Variants in RBFOX1 observed in about 807,000 individuals in gnomAD.
RBFOX1 encodes the protein RNA binding protein fox-1 homolog 1.
In RBFOX1, 8 loss-of-function variants were observed where a neutral mutation model predicts 57.7. The observed-to-expected ratio is 0.14, with a 90% CI of 0.08 to 0.25. The LOEUF is 0.25. Ranked by LOEUF, RBFOX1 falls within the 10% of genes least tolerant of loss-of-function variation. The pLI, the probability that RBFOX1 is intolerant of heterozygous loss-of-function variation, is 1.00. For missense variants in RBFOX1, 611 were observed against 548.5 expected (o/e 1.11, Z -1.14); for synonymous variants, 326 against 222.4 (o/e 1.47, Z -4.15).
At chr16:6,701,188 A>G (rs1194695054) in intron 3 of RBFOX1, among the ~76,000 whole-genome samples, 1 of 151,530 alleles carries the variant, frequency 6.6e-6, no homozygotes, top group African/African-American at 2.4e-5. Flanking sequence ...CTGGGACTTT[A>G]CCTCCTACCT....
chr16:6,875,206 TTGA>T (rs1164102129), intron 3 of RBFOX1, among the ~76,000 whole-genome samples: 3 of 152,232 alleles, frequency 2.0e-5, no homozygotes, highest in African/African-American at 7.2e-5. Context: ...AGTGCTACGG[TTGA>T]TGATGATGAT....
intron 1 of RBFOX1, among the ~76,000 whole-genome samples, chr16:5,359,496 A>C (rs1220041758): frequency 6.6e-6 from 1 of 152,220 alleles, no homozygotes; most frequent in Non-Finnish European, 1.5e-5. Context: ...TCTTTTGGAT[A>C]AAAGTGATTT....
chr16:5,995,268 A>G (rs1348066719), intron 4 of RBFOX1, among the ~76,000 whole-genome samples: 1 of 152,210 alleles, frequency 6.6e-6, no homozygotes, highest in African/African-American at 2.4e-5. Flanking sequence ...TTCTTTTTGC[A>G]AACTGCTAAA....
At chr16:5,884,044 T>C (rs577000119) in intron 4 of RBFOX1, among the ~76,000 whole-genome samples, 2 of 152,318 alleles carry the variant, frequency 1.3e-5, no homozygotes, top group South Asian at 4.1e-4. Flanking sequence ...CTTCTCAACA[T>C]TTCAACTTCT....
intron 3 of RBFOX1, among the ~76,000 whole-genome samples, chr16:6,729,715 T>C (rs775872039): frequency 4.6e-5 from 7 of 152,168 alleles, no homozygotes; most frequent in Non-Finnish European, 7.3e-5. Context: ...GAGTGACATA[T>C]GAAAGCAGAA....
chr16:5,967,976 T>G (rs1331595170), intron 4 of RBFOX1, among the ~76,000 whole-genome samples: 1 of 152,218 alleles, frequency 6.6e-6, no homozygotes, highest in Non-Finnish European at 1.5e-5. Context: ...TACTTATGAC[T>G]ACTTTGCTTT....
intron 2 of RBFOX1, among the ~76,000 whole-genome samples, chr16:6,381,662 C>T (rs1044689163): frequency 1.3e-5 from 2 of 152,196 alleles, no homozygotes; most frequent in African/African-American, 2.4e-5. Flanking sequence ...GCTTGTGGCA[C>T]AGATGAGTTT....
chr16:6,242,368 T>A (rs1483221217), intron 1 of RBFOX1, among the ~76,000 whole-genome samples: 1 of 152,114 alleles, frequency 6.6e-6, no homozygotes, highest in Non-Finnish European at 1.5e-5. Context: ...GCTCAAGGTT[T>A]TCTTTTTTTT....
intron 4 of RBFOX1, among the ~76,000 whole-genome samples, chr16:7,503,020 C>A (rs1280894288): frequency 6.6e-6 from 1 of 151,946 alleles, no homozygotes; most frequent in East Asian, 1.9e-4. Flanking sequence ...AAGACTCTGT[C>A]TCAAAAAAAA....
intron 2 of RBFOX1, among the ~76,000 whole-genome samples, chr16:6,580,886 C>G (rs1055961091): frequency 6.1e-5 from 9 of 146,714 alleles, no homozygotes; most frequent in African/African-American, 2.3e-4. Context: ...CAGAAAGACC[C>G]TGCATATCTC....
chr16:7,573,317 G>T (rs2092985948), intron 5 of RBFOX1, among the ~76,000 whole-genome samples: 1 of 152,116 alleles, frequency 6.6e-6, no homozygotes, highest in Non-Finnish European at 1.5e-5. Flanking sequence ...TCACAGCCGA[G>T]AACACTGAAC....
At chr16:7,544,410 A>T (rs1337077536) in intron 5 of RBFOX1, among the ~76,000 whole-genome samples, 2 of 152,186 alleles carry the variant, frequency 1.3e-5, no homozygotes, top group East Asian at 1.9e-4. Flanking sequence ...TTGAAAGTAG[A>T]GCCTTTGTAG....
chr16:5,759,325 C>T (rs903202280), intron 3 of RBFOX1, among the ~76,000 whole-genome samples: 1 of 152,178 alleles, frequency 6.6e-6, no homozygotes, highest in Non-Finnish European at 1.5e-5. Flanking sequence ...TGGTGAACTT[C>T]TTAGAGAGAT....
chr16:7,435,364 A>G (rs1018990216), intron 4 of RBFOX1, among the ~76,000 whole-genome samples: 1 of 151,964 alleles, frequency 6.6e-6, no homozygotes, highest in Non-Finnish European at 1.5e-5. Context: ...TGCCATTTGT[A>G]TCACACCATG....
chr16:5,273,705 C>T (rs1339391107), intron 1 of RBFOX1, among the ~76,000 whole-genome samples: 1 of 152,064 alleles, frequency 6.6e-6, no homozygotes, highest in Non-Finnish European at 1.5e-5. Context: ...GTCCCTGGGG[C>T]TGAGTCTGTG....
At chr16:6,837,485 T>C (rs1203728061) in intron 3 of RBFOX1, among the ~76,000 whole-genome samples, 1 of 152,150 alleles carries the variant, frequency 6.6e-6, no homozygotes, top group African/African-American at 2.4e-5. Flanking sequence ...GAACTAGACA[T>C]GGATGAACAT....
rs367604260 is a variant in RBFOX1 at position 6,810,343 on chromosome 16, C to T, written c.-16+155693C>T. Among the ~76,000 whole-genome samples, 9 of 152,178 alleles carry T rather than the reference C, an allele frequency of 5.9e-5. No homozygotes were observed. The South Asian group carries it at 1.2e-3, about 21-fold the overall frequency. Reference sequence around the variant, plus strand: ...CCATGAGGGCCGTACAGGAGGCTTCCGTGCATTTTTTCCTCTCCTTGTCCA... The same window carrying T: ...CCATGAGGGCCGTACAGGAGGCTTCTGTGCATTTTTTCCTCTCCTTGTCCA... On this transcript the variant is annotated intron_variant, in intron 3 of 15. Transcript: ENST00000550418.
intron 1 of RBFOX1, among the ~76,000 whole-genome samples, chr16:6,145,459 C>A (rs1286718625): frequency 6.6e-6 from 1 of 151,992 alleles, no homozygotes; most frequent in African/African-American, 2.4e-5. Flanking sequence ...AGGTTGATTC[C>A]ATGTCTTTGC....
intron 4 of RBFOX1, among the ~76,000 whole-genome samples, chr16:7,440,982 C>T (rs1008859283): frequency 5.9e-5 from 9 of 151,954 alleles, no homozygotes; most frequent in Non-Finnish European, 1.0e-4. Context: ...TTTGACGTTG[C>T]GCTGAGCTAG....
Sources: allele counts gnomAD v4.1 joint callset (sites outside exome capture counted in the v4.1 genomes callset), GRCh38; gene constraint gnomAD v4.1.1; transcripts MANE v1.5; gene names NCBI Gene and HGNC (gene_info 2026-07-23, HGNC 2026-07-21).